VWC2: variants seen among roughly 807,000 people sequenced by gnomAD.
The protein encoded by VWC2 is von Willebrand factor C domain containing 2, also known as brorin.
In VWC2, 14 loss-of-function variants were observed where a neutral mutation model predicts 29.8. The ratio of observed to expected loss-of-function variants is 0.47; its 90% CI spans 0.31 to 0.74. The LOEUF is 0.74. Ranked by LOEUF, VWC2 falls within the 30% of genes least tolerant of loss-of-function variation. The pLI, the probability that VWC2 is intolerant of heterozygous loss-of-function variation, is 0.05. For missense variants in VWC2, 457 were observed against 459.8 expected (o/e 0.99, Z 0.05); for synonymous variants, 213 against 199.0 (o/e 1.07, Z -0.59).
At chr7:49,792,561 C>T (rs541314903) in intron 2 of VWC2, among the ~76,000 whole-genome samples, 6 of 152,276 alleles carry the variant, frequency 3.9e-5, no homozygotes, top group African/African-American at 1.2e-4. Context: ...CTGGGGATGG[C>T]GCAGTCCAGT....
intron 2 of VWC2, among the ~76,000 whole-genome samples, chr7:49,784,260 C>T (rs1034423465): frequency 1.3e-5 from 2 of 152,246 alleles, no homozygotes; most frequent in Non-Finnish European, 2.9e-5. Flanking sequence ...ATTACATAAT[C>T]TCTCATTATT....
At chr7:49,774,586 C>T (rs919809984) in intron 1 of VWC2, among the ~76,000 whole-genome samples, 1 of 152,202 alleles carries the variant, frequency 6.6e-6, no homozygotes, top group Middle Eastern at 3.2e-3. Context: ...GCTTCTGCTC[C>T]GCAGCCAGGA....
rs962067303 is a variant in VWC2 at position 49,921,813 on chromosome 7, AT to A, written c.*9629del. The A allele has an allele frequency of 6.6e-6, 1 of 152,148 alleles. No homozygotes were observed. Among genetic ancestry groups the A allele is most frequent in the African/African-American group, 2.4e-5 (1 of 41,440 alleles). 9.4% of individuals were successfully genotyped at this position (152,148 alleles called of 1,614,324 possible). ...CTTAGTTTTTATCCCATTTATATATATATTTACCAGAAAAATGTTTTGTAAT... is the reference window on the plus strand; with the variant it reads ...CTTAGTTTTTATCCCATTTATATATAATTTACCAGAAAAATGTTTTGTAAT... On this transcript the variant is annotated 3_prime_UTR_variant, in exon 4 of 4. Transcript: ENST00000340652.
At chr7:49,864,096 G>A (rs890829635) in intron 3 of VWC2, among the ~76,000 whole-genome samples, 3 of 151,940 alleles carry the variant, frequency 2.0e-5, no homozygotes, top group South Asian at 2.1e-4. Flanking sequence ...TTGTTGTTGC[G>A]GGCTGTGATT....
At position 49,916,191 on chromosome 7, in the gene VWC2, A is replaced by C. The variant is rs1793713898; in HGVS notation, c.*4006A>C. 1 of 151,804 alleles carries C rather than the reference A, an allele frequency of 6.6e-6. No homozygotes were observed. The highest frequency in any genetic ancestry group is 2.4e-5 in the African/African-American group (1 of 41,274). The allele number at this position is 151,804 out of a possible 1,614,324, so 9.4% of individuals were successfully genotyped here. A position where few individuals can be genotyped will look rare whatever the true frequency, so the allele number is the denominator to read the frequency against. On this transcript the variant is annotated 3_prime_UTR_variant, in exon 4 of 4. Transcript: ENST00000340652. ...TAAATGTAGATCTAGTTTTCAACTGAATTCTTTGAGGATCGCAATCACACA... is the reference window on the plus strand; with the variant it reads ...TAAATGTAGATCTAGTTTTCAACTGCATTCTTTGAGGATCGCAATCACACA...
chr7:49,880,709 C>T (rs897371099), intron 3 of VWC2, among the ~76,000 whole-genome samples: 5 of 151,972 alleles, frequency 3.3e-5, no homozygotes, highest in African/African-American at 1.2e-4. Context: ...GAAGGGATAG[C>T]ATTAGGAGAT....
chr7:49,783,262 C>T (rs1788217122), intron 2 of VWC2, among the ~76,000 whole-genome samples: 8 of 152,056 alleles, frequency 5.3e-5, no homozygotes, highest in Non-Finnish European at 1.5e-5. Context: ...ATGGCCCCCT[C>T]CAGGAGACAG....
intron 3 of VWC2, among the ~76,000 whole-genome samples, chr7:49,895,348 T>C (rs1469086333): frequency 2.0e-5 from 3 of 152,166 alleles, no homozygotes; most frequent in Admixed American, 1.3e-4. Context: ...GTTGATTAAG[T>C]TTCAATGTAC....
In VWC2 at chr7:49,783,568, C is replaced by T. The variant is rs1388484088; in HGVS notation, c.696+7437C>T. 5.3e-5 allele frequency among the ~76,000 whole-genome samples: 8 copies of T among 152,322 alleles called. No homozygotes were observed. The South Asian group carries it at 1.2e-3, about 24-fold the overall frequency. On this transcript the variant is annotated intron_variant, in intron 2 of 3. Coordinates refer to ENST00000340652, the MANE Select transcript of VWC2 (RefSeq NM_198570.5). The stretch of plus-strand genomic sequence containing the variant: ...GCTGGAAATCCTTCTTACTGCTTGT[C>T]TGTTCCAAGGCTGAGATCCTGCCAG...
chr7:49,812,417 T>A (rs1234028076), intron 3 of VWC2, among the ~76,000 whole-genome samples: 4 of 152,196 alleles, frequency 2.6e-5, no homozygotes, highest in African/African-American at 9.7e-5. Flanking sequence ...TTGATACACA[T>A]CCTTTATCTT....
chr7:49,862,537 GT>G (rs1790696235), intron 3 of VWC2, among the ~76,000 whole-genome samples: 1 of 152,060 alleles, frequency 6.6e-6, no homozygotes, highest in African/African-American at 2.4e-5. Flanking sequence ...TCCTTGTCTT[GT>G]TCCTATTTTA....
At chr7:49,810,554 T>C (rs62454444) in intron 3 of VWC2, among the ~76,000 whole-genome samples, 15,684 of 152,140 alleles carry the variant, frequency 0.1, 1,031 homozygotes, top group East Asian at 0.17. Context: ...TCATGCAGAA[T>C]GTAAAGGATA....
intron 2 of VWC2, among the ~76,000 whole-genome samples, chr7:49,781,670 G>A (rs73108816): frequency 3.1e-4 from 47 of 152,282 alleles, no homozygotes; most frequent in East Asian, 5.8e-4. Flanking sequence ...GGCATTTTGC[G>A]TGTGGTGGAG....
chr7:49,885,010 G>A (rs2128728390), intron 3 of VWC2, among the ~76,000 whole-genome samples: 1 of 152,172 alleles, frequency 6.6e-6, no homozygotes, highest in Admixed American at 6.5e-5. Flanking sequence ...GGATATAAGT[G>A]TTGTATGGCT....
chr7:49,846,268 C>T (rs1356897770), intron 3 of VWC2, among the ~76,000 whole-genome samples: 1 of 152,158 alleles, frequency 6.6e-6, no homozygotes, highest in East Asian at 1.9e-4. Flanking sequence ...GCCACTTCCT[C>T]TGTGGTAAAT....
intron 3 of VWC2, among the ~76,000 whole-genome samples, chr7:49,818,910 C>A (rs1328223365): frequency 6.7e-6 from 1 of 150,320 alleles, no homozygotes; most frequent in Non-Finnish European, 1.5e-5. Flanking sequence ...TATGAATTTG[C>A]CTTTAAAATA....
At chr7:49,791,026 T>TCAG (rs1562706435) in intron 2 of VWC2, among the ~76,000 whole-genome samples, 2 of 152,098 alleles carry the variant, frequency 1.3e-5, no homozygotes, top group Admixed American at 6.5e-5. Flanking sequence ...AGACTTCAGT[T>TCAG]CAGGCAGAGA....
intron 3 of VWC2, among the ~76,000 whole-genome samples, chr7:49,899,819 G>A (rs1792614928): frequency 6.6e-6 from 1 of 152,074 alleles, no homozygotes; most frequent in South Asian, 2.1e-4. Flanking sequence ...CATGAGTCAA[G>A]TGGATATAAT....
chr7:49,899,241 A>G (rs983409770), intron 3 of VWC2, among the ~76,000 whole-genome samples: 2 of 152,194 alleles, frequency 1.3e-5, no homozygotes, highest in South Asian at 4.1e-4. Context: ...CATACACACC[A>G]AGAATATGCT....
Sources: allele counts gnomAD v4.1 joint callset (sites outside exome capture counted in the v4.1 genomes callset), GRCh38; gene constraint gnomAD v4.1.1; transcripts MANE v1.5; gene names NCBI Gene and HGNC (gene_info 2026-07-23, HGNC 2026-07-21).